ERC1: variants seen among roughly 807,000 people sequenced by gnomAD.
ERC1 encodes the protein ELKS/RAB6-interacting/CAST family member 1, also known as RAB6 interacting protein 2.
ERC1 carries 56 observed loss-of-function variants against 132.0 expected under a neutral mutation model. The observed-to-expected ratio is 0.42, with a 90% confidence interval of 0.34 to 0.53. ERC1 has a LOEUF of 0.53. Among genes scored for constraint, ERC1 ranks in the 20% least tolerant of loss-of-function variants. The probability of loss-of-function intolerance (pLI) is 0.03; values close to 1 mark genes in which losing one functional copy is unlikely to be tolerated. For missense variants in ERC1, 1,202 were observed against 1,349.9 expected (o/e 0.89, Z 1.72); for synonymous variants, 478 against 476.1 (o/e 1.00, Z -0.05).
chr12:1,010,856 T>G (rs895304832), intron 1 of ERC1, among the ~76,000 whole-genome samples: 1 of 152,102 alleles, frequency 6.6e-6, no homozygotes. Flanking sequence ...TTCTTAAGTC[T>G]CATCTTCTGG....
chr12:1,061,989 C>CTTTTTT (rs896825718), intron 2 of ERC1, among the ~76,000 whole-genome samples: 2 of 117,398 alleles, frequency 1.7e-5, no homozygotes, highest in Non-Finnish European at 3.5e-5. Context: ...TTCTTTTCTT[C>CTTTTTT]TTTTTTTTTT....
chr12:1,170,807 A>G (rs544100000), intron 8 of ERC1, among the ~76,000 whole-genome samples: 2 of 152,294 alleles, frequency 1.3e-5, no homozygotes, highest in East Asian at 3.9e-4. Flanking sequence ...CCTACCAGCA[A>G]TTAATAAAAT....
At chr12:1,328,181 C>T (rs1413363608) in intron 15 of ERC1, among the ~76,000 whole-genome samples, 10 of 152,116 alleles carry the variant, frequency 6.6e-5, no homozygotes. Context: ...GTGTCTCATT[C>T]TGTCACCCAG....
In ERC1 at chr12:1,042,975, ATTT is replaced by A. The variant is rs1393400379; in HGVS notation, c.669+14406_669+14408del. On this transcript the variant is annotated intron_variant, in intron 2 of 18. Coordinates refer to ENST00000360905, the MANE Select transcript of ERC1 (RefSeq NM_178040.4). ...GTAATTTTAGGAGGGTCTATTTCTT[ATTT>A]TTCTATGAAAACATGTTATCTATGG... is the stretch of plus-strand genomic sequence containing the variant. Among the ~76,000 whole-genome samples the A allele has an allele frequency of 2.0e-5, 3 of 147,064 alleles. No homozygotes were observed. In the East Asian group the frequency reaches 6.0e-4, roughly 29 times the overall value.
At chr12:1,258,726 A>T (rs56392174) in intron 13 of ERC1, among the ~76,000 whole-genome samples, 3,193 of 152,348 alleles carry the variant, frequency 0.021, 59 homozygotes, top group South Asian at 0.057. Flanking sequence ...TATTTAGAAC[A>T]TCCCATGGTT....
In ERC1 at chr12:1,258,963, C is replaced by T. The variant is rs560512206; in HGVS notation, c.2488-4071C>T. On this transcript the variant is annotated intron_variant, in intron 13 of 18. Transcript: ENST00000360905. ...CTTTTCACAGTAAACAGTTAACTTACATATTTAGATATCAGTTATCTAAAC... is the reference window on the plus strand; with the variant it reads ...CTTTTCACAGTAAACAGTTAACTTATATATTTAGATATCAGTTATCTAAAC... Among the ~76,000 whole-genome samples, 4 of 152,296 alleles carry T rather than the reference C, an allele frequency of 2.6e-5. No individual in the cohort carries two copies. In the South Asian group the frequency reaches 8.3e-4, roughly 32 times the overall value.
intron 17 of ERC1, among the ~76,000 whole-genome samples, chr12:1,419,221 A>G (rs576224122): frequency 6.6e-5 from 10 of 152,272 alleles, no homozygotes; most frequent in Middle Eastern, 6.8e-3. Context: ...TTAAAATCTG[A>G]GTAGAAAAGG....
chr12:1,374,339 A>C (rs1368988654), intron 16 of ERC1, among the ~76,000 whole-genome samples: 2 of 152,144 alleles, frequency 1.3e-5, no homozygotes, highest in African/African-American at 4.8e-5. Flanking sequence ...TTTGGGGGTC[A>C]CCTTCTAATA....
chr12:1,309,295 G>C (rs2081115974), intron 15 of ERC1, among the ~76,000 whole-genome samples: 1 of 152,184 alleles, frequency 6.6e-6, no homozygotes, highest in South Asian at 2.1e-4. Context: ...TTTGCACACT[G>C]TCTGACAGCA....
intron 7 of ERC1, among the ~76,000 whole-genome samples, chr12:1,139,358 A>T (rs1421376081): frequency 6.6e-6 from 1 of 152,166 alleles, no homozygotes; most frequent in Non-Finnish European, 1.5e-5. Context: ...GTGTTCACAT[A>T]ACCCTTATTT....
intron 16 of ERC1, among the ~76,000 whole-genome samples, chr12:1,379,164 A>G (rs115639159): frequency 0.013 from 2,001 of 152,298 alleles, 35 homozygotes; most frequent in African/African-American, 0.044. Flanking sequence ...TGGCCACACT[A>G]GTGTATTTTC....
chr12:1,468,229 TGA>T (rs1349317588), intron 18 of ERC1, among the ~76,000 whole-genome samples: 1 of 149,846 alleles, frequency 6.7e-6, no homozygotes, highest in Non-Finnish European at 1.5e-5. Context: ...GATGGAGTAA[TGA>T]GTTTTCTTAG....
chr12:1,113,556 T>C (rs1048996973), intron 6 of ERC1, among the ~76,000 whole-genome samples: 2 of 152,218 alleles, frequency 1.3e-5, no homozygotes, highest in African/African-American at 4.8e-5. Flanking sequence ...AAATACAGCA[T>C]TTAAAAAACC....
chr12:1,037,558 G>A (rs1969320973), intron 2 of ERC1, among the ~76,000 whole-genome samples: 2 of 152,188 alleles, frequency 1.3e-5, no homozygotes, highest in South Asian at 4.1e-4. Flanking sequence ...AGAAATGGCT[G>A]AAGGAACTCA....
At chr12:1,304,877 C>T (rs1480960957) in intron 15 of ERC1, among the ~76,000 whole-genome samples, 1 of 147,706 alleles carries the variant, frequency 6.8e-6, no homozygotes, top group Non-Finnish European at 1.5e-5. Flanking sequence ...GCAAGCTCCG[C>T]CTCCCGGGTT....
chr12:1,279,439 A>G (rs944306675), intron 14 of ERC1, among the ~76,000 whole-genome samples: 1 of 152,160 alleles, frequency 6.6e-6, no homozygotes, highest in African/African-American at 2.4e-5. Context: ...TTGACAAAGT[A>G]GTACATGATA....
intron 16 of ERC1, among the ~76,000 whole-genome samples, chr12:1,402,601 C>T (rs540088275): frequency 3.7e-5 from 5 of 135,950 alleles, no homozygotes; most frequent in Non-Finnish European, 8.0e-5. Context: ...AAAAGAATAT[C>T]TGTGTAACCC....
intron 15 of ERC1, among the ~76,000 whole-genome samples, chr12:1,356,865 CTT>C (rs1188675485): frequency 1.3e-5 from 2 of 152,078 alleles, no homozygotes; most frequent in Admixed American, 6.5e-5. Flanking sequence ...AAAAGGGACT[CTT>C]ATAGTTTTTG....
chr12:1,440,505 C>CTTT (rs75192034), intron 17 of ERC1, among the ~76,000 whole-genome samples: 1 of 126,196 alleles, frequency 7.9e-6, no homozygotes, highest in Non-Finnish European at 1.7e-5. Context: ...CGCGCCCGGC[C>CTTT]TTTTTTTTTT....
Sources: allele counts gnomAD v4.1 joint callset (sites outside exome capture counted in the v4.1 genomes callset), GRCh38; gene constraint gnomAD v4.1.1; transcripts MANE v1.5; gene names NCBI Gene and HGNC (gene_info 2026-07-23, HGNC 2026-07-21).